The following FCHO2 variants were observed in gnomAD, a reference collection of about 807,000 sequenced individuals.
FCHO2 encodes the protein FCH and mu domain containing endocytic adaptor 2, also known as F-BAR domain only protein 2.
In FCHO2, 43 loss-of-function variants were observed where a neutral mutation model predicts 114.1. The observed-to-expected ratio is 0.38, with a 90% CI of 0.30 to 0.49. FCHO2 has a LOEUF of 0.49. Among genes scored for constraint, FCHO2 ranks in the 20% least tolerant of loss-of-function variants. The pLI, the probability that FCHO2 is intolerant of heterozygous loss-of-function variation, is 0.97. For synonymous variants in FCHO2, 293 were observed against 315.2 expected (o/e 0.93, Z 0.75); for missense variants, 807 against 950.4 (o/e 0.85, Z 1.98).
intron 11 of FCHO2, among the ~76,000 whole-genome samples, chr5:73,048,769 G>C (rs1462935841): frequency 7.2e-6 from 1 of 138,018 alleles, no homozygotes; most frequent in Non-Finnish European, 1.6e-5. Flanking sequence ...TTCTCTGTAG[G>C]GGTTGTGCCA....
chr5:72,962,517 AT>A (rs1344721913), intron 1 of FCHO2, among the ~76,000 whole-genome samples: 2 of 152,174 alleles, frequency 1.3e-5, no homozygotes, highest in African/African-American at 4.8e-5. Flanking sequence ...AGAAATTCAA[AT>A]GGAAATAGGA....
chr5:72,976,547 TC>T (rs1463656835), intron 2 of FCHO2, among the ~76,000 whole-genome samples: 2 of 152,190 alleles, frequency 1.3e-5, no homozygotes, highest in Non-Finnish European at 2.9e-5. Context: ...CTGTGTATCT[TC>T]TTTAGTGAGG....
At chr5:72,986,885 CTT>C (rs202221560) in intron 2 of FCHO2, among the ~76,000 whole-genome samples, 2 of 136,330 alleles carry the variant, frequency 1.5e-5, no homozygotes, top group Admixed American at 7.3e-5. Flanking sequence ...TTTTTTTTTT[CTT>C]TTTTTTTTTT....
chr5:72,987,987 G>A (rs1003234321), intron 2 of FCHO2, among the ~76,000 whole-genome samples: 1 of 152,144 alleles, frequency 6.6e-6, no homozygotes, highest in South Asian at 2.1e-4. Context: ...TGCAAGAGTA[G>A]TGTGAAGATC....
intron 2 of FCHO2, among the ~76,000 whole-genome samples, chr5:72,975,984 A>T (rs1431946603): frequency 2.0e-5 from 3 of 152,318 alleles, no homozygotes; most frequent in African/African-American, 7.2e-5. Flanking sequence ...AATTAATTAA[A>T]ATTTAAATAC....
chr5:73,061,690 A>G (rs562999637), intron 17 of FCHO2, among the ~76,000 whole-genome samples: 165 of 152,196 alleles, frequency 1.1e-3, no homozygotes, highest in African/African-American at 3.7e-3. Context: ...CTACAAAGTC[A>G]GTGGATTTTC....
intron 8 of FCHO2, among the ~76,000 whole-genome samples, chr5:73,034,217 A>G (rs1471911283): frequency 6.6e-6 from 1 of 152,208 alleles, no homozygotes; most frequent in Non-Finnish European, 1.5e-5. Context: ...TGAACAGGAC[A>G]GATGAGGTCC....
At chr5:73,054,081 G>C in intron 13 of FCHO2, 79 bp from the exon 14 acceptor site, 1 of 1,095,226 alleles carries the variant, frequency 9.1e-7, no homozygotes, top group Non-Finnish European at 1.3e-6. Flanking sequence ...ATTGAATAGG[G>C]AATGATAAAT....
At chr5:73,065,735 T>C (rs539407744) in intron 18 of FCHO2, among the ~76,000 whole-genome samples, 12 of 152,192 alleles carry the variant, frequency 7.9e-5, no homozygotes, top group African/African-American at 2.9e-4. Flanking sequence ...TGAATTATTC[T>C]TTGATTATAA....
intron 3 of FCHO2, among the ~76,000 whole-genome samples, 171 bp from the exon 4 acceptor site, chr5:72,990,306 CA>C (rs1298493302): frequency 6.6e-6 from 1 of 151,700 alleles, no homozygotes; most frequent in Non-Finnish European, 1.5e-5. Context: ...TAACCAATGA[CA>C]AAAAAAATTC....
intron 9 of FCHO2, among the ~76,000 whole-genome samples, chr5:73,036,483 C>G (rs369077884): frequency 2.0e-5 from 3 of 152,132 alleles, no homozygotes; most frequent in African/African-American, 7.2e-5. Flanking sequence ...AAGCAATCCT[C>G]TCACCCCAGC....
chr5:72,968,741 C>T (rs899667682), intron 2 of FCHO2, among the ~76,000 whole-genome samples, 152 bp downstream of exon 2: 6 of 152,140 alleles, frequency 3.9e-5, no homozygotes, highest in African/African-American at 1.2e-4. Flanking sequence ...TTGTATCTAT[C>T]ATCTACACAG....
intron 5 of FCHO2, among the ~76,000 whole-genome samples, chr5:73,000,645 C>A (rs1441316165): frequency 6.9e-6 from 1 of 145,558 alleles, no homozygotes; most frequent in African/African-American, 2.6e-5. Flanking sequence ...CGTGGTGGTA[C>A]ATGCCTGTAA....
intron 16 of FCHO2, among the ~76,000 whole-genome samples, chr5:73,056,970 T>A (rs1029288994): frequency 6.6e-6 from 1 of 152,148 alleles, no homozygotes. Flanking sequence ...TTTTTGCTTG[T>A]CTGTTTTGAG....
At chr5:73,039,149 T>G (rs543563403) in intron 10 of FCHO2, among the ~76,000 whole-genome samples, 1 of 152,312 alleles carries the variant, frequency 6.6e-6, no homozygotes, top group South Asian at 2.1e-4. Flanking sequence ...CTTTCAAACT[T>G]CTTGGCAGGA....
intron 2 of FCHO2, among the ~76,000 whole-genome samples, chr5:72,983,153 A>T (rs925294691): frequency 1.3e-5 from 2 of 152,116 alleles, no homozygotes; most frequent in African/African-American, 2.4e-5. Flanking sequence ...ACCTCAGGTG[A>T]TCGGCCAGCC....
intron 8 of FCHO2, among the ~76,000 whole-genome samples, chr5:73,025,002 C>T (rs545547320): frequency 6.6e-6 from 1 of 152,136 alleles, no homozygotes; most frequent in East Asian, 1.9e-4. Context: ...AAGCCAAGAA[C>T]GGTGATGACA....
At chr5:72,991,475 G>C (rs906635031) in intron 5 of FCHO2, among the ~76,000 whole-genome samples, 1 of 152,152 alleles carries the variant, frequency 6.6e-6, no homozygotes, top group African/African-American at 2.4e-5. Flanking sequence ...AAATTGTTTT[G>C]AAACAAGATT....
chr5:72,978,660 T>G (rs1753013047), intron 2 of FCHO2, among the ~76,000 whole-genome samples: 1 of 152,184 alleles, frequency 6.6e-6, no homozygotes, highest in African/African-American at 2.4e-5. Context: ...ATAAGAGTGG[T>G]GAGAGAGGGC....
Sources: allele counts gnomAD v4.1 joint callset (sites outside exome capture counted in the v4.1 genomes callset), GRCh38; gene constraint gnomAD v4.1.1; transcripts MANE v1.5; gene names NCBI Gene and HGNC (gene_info 2026-07-23, HGNC 2026-07-21).